CCM2L: variants seen among roughly 807,000 people sequenced by gnomAD.
CCM2L encodes the protein cerebral cavernous malformations 2 protein-like.
CCM2L carries 36 observed loss-of-function variants against 54.1 expected under a neutral mutation model. The observed-to-expected ratio is 0.67, with a 90% confidence interval of 0.51 to 0.88. CCM2L has a LOEUF of 0.88. Ranked by LOEUF, CCM2L falls within the 40% of genes least tolerant of loss-of-function variation. The probability of loss-of-function intolerance (pLI) is 0.00; values close to 1 mark genes in which losing one functional copy is unlikely to be tolerated. For synonymous variants in CCM2L, 351 were observed against 359.3 expected (o/e 0.98, Z 0.26); for missense variants, 700 against 812.1 (o/e 0.86, Z 1.68).
chr20:32,018,528 G>A (rs2064763830), intron 4 of CCM2L, among the ~76,000 whole-genome samples: 1 of 152,136 alleles, frequency 6.6e-6, no homozygotes, highest in African/African-American at 2.4e-5. Context: ...CTTGGGCTGG[G>A]GGCGGGGCCT....
At chr20:32,016,976 C>G (rs1351434667) in intron 2 of CCM2L, among the ~76,000 whole-genome samples, 2 of 151,834 alleles carry the variant, frequency 1.3e-5, no homozygotes, top group East Asian at 3.9e-4. Flanking sequence ...GGTGAAACCC[C>G]GTCTCTACTA....
chr20:32,029,107 CAGGATTACATGGTCACGGTG>C lies in CCM2L; in HGVS notation c.1249_1263+5del, dbSNP rs1485455617. On this transcript the variant is annotated splice_donor_variant and splice_donor_region_variant and coding_sequence_variant and intron_variant, in exon 8 of 10. Coordinates refer to ENST00000452892, the MANE Select transcript of CCM2L (RefSeq NM_001365692.1). LOFTEE classifies it high-confidence loss of function. ...CAGCAGTCTGGGCTTGGAGCAGTTA[CAGGATTACATGGTCACGGTG>C]AGCTGGGGCCGGTGGTGGGAATGGC... is the stretch of plus-strand genomic sequence containing the variant. 6.2e-7 allele frequency: 1 copy of C among 1,614,180 alleles called. No homozygotes were observed. The highest frequency in any genetic ancestry group is 8.5e-7 in the Non-Finnish European group (1 of 1,180,032).
chr20:32,023,921 G>A (rs1284707183), intron 6 of CCM2L, among the ~76,000 whole-genome samples: 1 of 152,176 alleles, frequency 6.6e-6, no homozygotes, highest in Admixed American at 6.5e-5. Context: ...AGTAGAGACG[G>A]GGTTTCACCA....
chr20:32,020,764 TCACCTGAGTTGAGGAGTTAAGAC>T, intron 5 of CCM2L, among the ~76,000 whole-genome samples: 1 of 152,206 alleles, frequency 6.6e-6, no homozygotes, highest in African/African-American at 2.4e-5. Flanking sequence ...GGCGGGTGGA[TCACCTGAGTTGAGGAGTTAAGAC>T]CAGCCTGGCC....
At chr20:32,017,932 C>A in intron 3 of CCM2L, 47 bp from the exon 4 acceptor site, 1 of 1,613,428 alleles carries the variant, frequency 6.2e-7, no homozygotes, top group Non-Finnish European at 8.5e-7. Flanking sequence ...CCTTCTCCCT[C>A]TTCTACCTGC....
intron 1 of CCM2L, 78 bp from the exon 2 acceptor site, chr20:32,014,826 T>C: frequency 1.0e-5 from 14 of 1,342,396 alleles, no homozygotes; most frequent in Non-Finnish European, 1.4e-5. Context: ...AATTAGGTAA[T>C]GTAAGTAAAA....
chr20:32,017,930 C>T (rs372555158), intron 3 of CCM2L, 47 bp downstream of exon 3: 41 of 1,613,354 alleles, frequency 2.5e-5, no homozygotes, highest in Non-Finnish European at 3.2e-5. Context: ...TCCCTTCTCC[C>T]TCTTCTACCT....
Position 32,010,484 on chromosome 20 carries a change from G to A in CCM2L, c.30G>A (p.Lys10=). The part of the protein sequence containing the change: MEYEVKKGK[K]GFVSPIRRLV... ...AATATGAAGTCAAGAAAGGGAAGAAGGTAGGTGGGAGGTTGGGAGGGACGA... is the reference window on the plus strand; with the variant it reads ...AATATGAAGTCAAGAAAGGGAAGAAAGTAGGTGGGAGGTTGGGAGGGACGA... The change falls in exon 1 of 10, where the codon AAG becomes AAA. Residue 10 remains lysine, a splice_region_variant and synonymous_variant. Coordinates refer to ENST00000452892, the MANE Select transcript of CCM2L (RefSeq NM_001365692.1). 1 of 1,550,264 alleles carries A rather than the reference G, an allele frequency of 6.5e-7. No homozygotes were observed. Among genetic ancestry groups the A allele is most frequent in the Non-Finnish European group, 8.7e-7 (1 of 1,146,578 alleles).
At chr20:32,021,956 A>G (rs2064810157) in intron 5 of CCM2L, among the ~76,000 whole-genome samples, 2 of 152,092 alleles carry the variant, frequency 1.3e-5, no homozygotes, top group Non-Finnish European at 2.9e-5. Flanking sequence ...TATTTTTTGT[A>G]TCCAACCATC....
intron 1 of CCM2L, among the ~76,000 whole-genome samples, 196 bp from the exon 2 acceptor site, chr20:32,014,708 C>A (rs2064723991): frequency 6.6e-6 from 1 of 152,216 alleles, no homozygotes; most frequent in African/African-American, 2.4e-5. Context: ...GGTTCCACCA[C>A]TACTAGCTGG....
chr20:32,019,623 AAAAC>A (rs1600677751), intron 5 of CCM2L, among the ~76,000 whole-genome samples: 1 of 152,268 alleles, frequency 6.6e-6, no homozygotes, highest in East Asian at 1.9e-4. Context: ...CAAAATGGCC[AAAAC>A]AAACTAGATC....
chr20:32,028,653 T>C (rs537172604), intron 7 of CCM2L: 4 of 294,288 alleles, frequency 1.4e-5, no homozygotes, highest in Admixed American at 4.5e-5. Context: ...GGGAACACTC[T>C]CCTGAGGAGA....
chr20:32,025,917 C>A lies in CCM2L; in HGVS notation c.1131C>A (p.Ser377=), dbSNP rs1027921407. 7.7e-7 allele frequency: 1 copy of A among 1,304,076 alleles called. No homozygotes were observed. The highest frequency in any genetic ancestry group is 1.5e-5 in the African/African-American group (1 of 65,874). The allele number at this position is 1,304,076 out of a possible 1,614,324, so 80.8% of individuals were successfully genotyped here. The part of the protein sequence containing the change: ...AYDADFSCCS[S]FNGSQDTFEA... ...ATGCCGACTTCAGCTGCTGCAGCTC[C>A]TTGTGAGTACAGCCCCTGTCAGGGA... The change falls in exon 7 of 10, where the codon TCC becomes TCA. Residue 377 remains serine (S), a splice_region_variant and synonymous_variant. Coordinates refer to ENST00000452892, the MANE Select transcript of CCM2L (RefSeq NM_001365692.1).
At chr20:32,029,173 T>TG (rs776962054) in intron 8 of CCM2L, 49 bp downstream of exon 8, 2 of 1,613,242 alleles carry the variant, frequency 1.2e-6, no homozygotes, top group African/African-American at 1.3e-5. Context: ...GCCTGGAGGC[T>TG]GGAGTAAACA....
At chr20:32,011,852 T>A (rs541267688) in intron 1 of CCM2L, among the ~76,000 whole-genome samples, 22 of 151,676 alleles carry the variant, frequency 1.5e-4, no homozygotes, top group African/African-American at 4.1e-4. Flanking sequence ...GCTGGACAGG[T>A]GGGCAGAGCT....
rs981209848 is a variant in CCM2L at position 32,010,973 on chromosome 20, C to T, written c.30+489C>T. ...CCTTTCTACAAGGGCGTATGTAAGG[C>T]GTCAGCCAGAAGCCATTCCCCTCAC... On this transcript the variant is annotated intron_variant, in intron 1 of 9. Coordinates refer to ENST00000452892, the MANE Select transcript of CCM2L (RefSeq NM_001365692.1). Among the ~76,000 whole-genome samples the T allele has an allele frequency of 1.4e-4, 21 of 152,310 alleles. 1 individual carries two copies. In the South Asian group the frequency reaches 3.1e-3, roughly 23 times the overall value.
At chr20:32,016,224 T>C (rs1425327644) in intron 2 of CCM2L, among the ~76,000 whole-genome samples, 2 of 151,896 alleles carry the variant, frequency 1.3e-5, no homozygotes, top group African/African-American at 4.8e-5. Flanking sequence ...GGGGGTAGGG[T>C]TGTCTGAACT....
chr20:32,021,382 G>T (rs1408358235), intron 5 of CCM2L, among the ~76,000 whole-genome samples: 2 of 152,054 alleles, frequency 1.3e-5, no homozygotes, highest in Non-Finnish European at 2.9e-5. Context: ...GGAATTTGTG[G>T]AGTGAGTAAA....
intron 1 of CCM2L, 82 bp downstream of exon 1, chr20:32,010,566 G>GGGGT: frequency 3.0e-6 from 3 of 984,670 alleles, no homozygotes; most frequent in Non-Finnish European, 3.1e-6. Flanking sequence ...GGGGTGGGGG[G>GGGGT]TCGGTAGCGA....
Sources: gnomAD v4.1 joint callset for allele counts (sites outside exome capture counted in the v4.1 genomes callset) on GRCh38, gnomAD v4.1.1 for gene constraint, MANE v1.5 for transcripts, NCBI Gene and HGNC (gene_info 2026-07-23, HGNC 2026-07-21) for gene names.